The following PPHLN1 variants were observed in gnomAD, a reference collection of about 807,000 sequenced individuals.
PPHLN1 encodes periphilin 1.
Under a neutral mutation model 51.3 loss-of-function variants are expected in PPHLN1, and 29 were observed. The observed-to-expected ratio is 0.57, with a 90% confidence interval of 0.42 to 0.77. PPHLN1 has a LOEUF of 0.77. Ranked by LOEUF, PPHLN1 falls within the 30% of genes least tolerant of loss-of-function variation. The pLI is 0.00. For missense variants in PPHLN1, 436 were observed against 438.4 expected (o/e 0.99, Z 0.05); for synonymous variants, 147 against 147.8 (o/e 0.99, Z 0.04).
chr12:42,371,087 G>A lies in PPHLN1; in HGVS notation c.300-3776G>A, dbSNP rs537072765. Among the ~76,000 whole-genome samples the A allele has an allele frequency of 5.3e-5, 8 of 150,108 alleles. No homozygotes were observed. In the East Asian group the frequency reaches 7.8e-4, roughly 15 times the overall value. ...CTCCCAAAGTGCTGGGATTACAGGC[G>A]TGAGCCACCTCGCCCAGCCTGGTGT... On this transcript the variant is annotated intron_variant, in intron 4 of 9. Transcript: ENST00000358314.
chr12:42,355,166 A>C lies in PPHLN1; in HGVS notation c.243A>C (p.Glu81Asp), dbSNP rs141677892. ...GTAGCTTTTTTATGTTACAGGATGA[A>C]TCTGGTTATAGATGGACAAGAGACG... is the stretch of plus-strand genomic sequence containing the variant. ...RRSGPPHRGDESGYRWTRDDH... is the reference protein window; with the variant it reads ...RRSGPPHRGDDSGYRWTRDDH... The change falls in exon 4 of 10, where the codon GAA becomes GAC. Residue 81 changes from glutamate (E) to aspartate (D), a missense_variant. Transcript: ENST00000358314. 3,742 of 1,613,538 alleles carry C rather than the reference A, an allele frequency of 2.3e-3. 8 individuals are homozygous for C. Among genetic ancestry groups the C allele is most frequent in the Non-Finnish European group, 2.8e-3 (3,360 of 1,179,676 alleles).
At chr12:42,355,922 A>G (rs977056262) in intron 4 of PPHLN1, among the ~76,000 whole-genome samples, 4 of 152,158 alleles carry the variant, frequency 2.6e-5, no homozygotes, top group East Asian at 1.9e-4. Context: ...TACAAAGTCT[A>G]TTATAAGGCA....
intron 8 of PPHLN1, 119 bp downstream of exon 8, chr12:42,393,808 G>T: frequency 1.0e-6 from 1 of 991,784 alleles, no homozygotes; most frequent in Non-Finnish European, 1.4e-6. Context: ...TGGATTACAG[G>T]TATTAAAATT....
At position 42,398,921 on chromosome 12, in the gene PPHLN1, T is replaced by C. The variant is rs757625302; in HGVS notation, c.836T>C (p.Ile279Thr). 2 of 1,614,090 alleles carry C rather than the reference T, an allele frequency of 1.2e-6. No individual in the cohort carries two copies. The change falls in exon 9 of 10, where the codon ATA becomes ACA. Residue 279 changes from isoleucine to threonine, a missense_variant. By Grantham distance (89) the Ile-to-Thr change is moderately conservative. Transcript: ENST00000358314. Reference protein sequence around the residue: ...EEPESNTTHGIELFEDSQLTT... With the variant: ...EEPESNTTHGTELFEDSQLTT... ...CCTGAGTCAAACACAACACATGGGA[T>C]AGAATTATTTGAAGATAGTCAGCTA...
chr12:42,410,086 T>G (rs2139492806), intron 9 of PPHLN1, among the ~76,000 whole-genome samples: 1 of 152,260 alleles, frequency 6.6e-6, no homozygotes, highest in South Asian at 2.1e-4. Context: ...ATTATCTGCT[T>G]TAGAAATTCT....
chr12:42,332,652 C>A, intron 1 of PPHLN1: 2 of 1,568,470 alleles, frequency 1.3e-6, no homozygotes, highest in Non-Finnish European at 8.8e-7. Context: ...TATTTCCCCC[C>A]CTTACAGGAA....
In PPHLN1 at chr12:42,330,261, G is replaced by A. The variant is rs111365296; in HGVS notation, c.-21+4032G>A. Among the ~76,000 whole-genome samples the A allele has an allele frequency of 3.3e-4, 51 of 152,284 alleles. No homozygotes were observed. The South Asian group carries it at 5.4e-3, about 16-fold the overall frequency. On this transcript the variant is annotated intron_variant, in intron 1 of 9. Transcript: ENST00000358314. ...ATCGGGTTTTATACCGAGACATTCCGTTTCCAGGGGCATGCAGGAGGCAGA... is the reference window on the plus strand; with the variant it reads ...ATCGGGTTTTATACCGAGACATTCCATTTCCAGGGGCATGCAGGAGGCAGA...
intron 9 of PPHLN1, among the ~76,000 whole-genome samples, chr12:42,402,378 G>A (rs948818072): frequency 6.6e-6 from 1 of 152,154 alleles, no homozygotes; most frequent in African/African-American, 2.4e-5. Flanking sequence ...GAAAAATTGA[G>A]TTAATTCAGA....
intron 9 of PPHLN1, among the ~76,000 whole-genome samples, chr12:42,401,350 C>T (rs1027052677): frequency 6.6e-6 from 1 of 152,166 alleles, no homozygotes; most frequent in Non-Finnish European, 1.5e-5. Context: ...TTTTAAACCT[C>T]TTTGGCTCTT....
intron 5 of PPHLN1, among the ~76,000 whole-genome samples, chr12:42,380,062 T>A (rs942205119): frequency 6.6e-6 from 1 of 152,064 alleles, no homozygotes; most frequent in Admixed American, 6.5e-5. Context: ...TTCTTGAAAC[T>A]CTTAAGTTAT....
Position 42,374,952 on chromosome 12 carries a change from T to A in PPHLN1, c.389T>A (p.Phe130Tyr). 4 of 1,614,080 alleles carry A rather than the reference T, an allele frequency of 2.5e-6. 1 individual carries two copies. In the Middle Eastern group the frequency reaches 4.9e-4, roughly 200 times the overall value. The change falls in exon 5 of 10, where the codon TTC (phenylalanine) becomes TAC (tyrosine). Residue 130 changes from phenylalanine (F) to tyrosine (Y), a missense_variant. Physicochemically the swap from Phe to Tyr is conservative, Grantham distance 22. Transcript: ENST00000358314. ...RSPYKRDNTF[F>Y]RESPVGRKDS... ...CCTTATAAAAGGGACAATACTTTTT[T>A]CAGAGAATCACCTGTTGGCCGAAAG...
chr12:42,383,023 T>C (rs2076890249), intron 5 of PPHLN1, among the ~76,000 whole-genome samples: 1 of 152,178 alleles, frequency 6.6e-6, no homozygotes, highest in South Asian at 2.1e-4. Flanking sequence ...CAATAATTAC[T>C]TACTTGTTCA....
At chr12:42,408,873 T>C (rs901006978) in intron 9 of PPHLN1, among the ~76,000 whole-genome samples, 1 of 152,232 alleles carries the variant, frequency 6.6e-6, no homozygotes, top group African/African-American at 2.4e-5. Context: ...ATTCCTTGTA[T>C]TGTAAATTAC....
In PPHLN1 at chr12:42,367,627, A is replaced by G. The variant is rs559055030; in HGVS notation, c.300-7236A>G. ...TTTAGTGAGGTGATATTTTTCGTCT[A>G]TCTTCCATTGAATTATCTTCGTATC... On this transcript the variant is annotated intron_variant, in intron 4 of 9. Coordinates refer to ENST00000358314, the MANE Select transcript of PPHLN1 (RefSeq NM_201439.2). Among the ~76,000 whole-genome samples, 90 of 152,282 alleles carry G rather than the reference A, an allele frequency of 5.9e-4. No individual in the cohort carries two copies. In the South Asian group the frequency reaches 7.9e-3, roughly 13 times the overall value.
intron 4 of PPHLN1, among the ~76,000 whole-genome samples, chr12:42,371,407 T>A (rs776940006): frequency 6.6e-6 from 1 of 152,200 alleles, no homozygotes; most frequent in Non-Finnish European, 1.5e-5. Flanking sequence ...CATGAGCCAC[T>A]GCACCCGGCC....
At chr12:42,370,220 G>C (rs576500647) in intron 4 of PPHLN1, among the ~76,000 whole-genome samples, 3 of 152,322 alleles carry the variant, frequency 2.0e-5, no homozygotes, top group African/African-American at 7.2e-5. Flanking sequence ...TAGAGATTCT[G>C]ATTCAGCTGG....
intron 4 of PPHLN1, among the ~76,000 whole-genome samples, chr12:42,368,826 T>C (rs890312789): frequency 6.6e-6 from 1 of 152,220 alleles, no homozygotes; most frequent in Admixed American, 6.5e-5. Flanking sequence ...AATTAAACTT[T>C]TAAAGCACAA....
chr12:42,446,090 C>T, downstream of PPHLN1: 1 of 1,551,808 alleles, frequency 6.4e-7, no homozygotes, highest in Non-Finnish European at 8.7e-7. Context: ...GCAGGCCCCG[C>T]AGCCCCTGCA....
downstream of PPHLN1, chr12:42,445,392 C>T (rs1240554515): frequency 9.0e-6 from 4 of 444,068 alleles, no homozygotes; most frequent in Middle Eastern, 1.3e-3. Flanking sequence ...AGGTGTTAAC[C>T]CTAGAGGACT....
Sources: allele counts gnomAD v4.1 joint callset (sites outside exome capture counted in the v4.1 genomes callset), GRCh38; gene constraint gnomAD v4.1.1; transcripts MANE v1.5; gene names NCBI Gene and HGNC (gene_info 2026-07-23, HGNC 2026-07-21).